The following TRAPPC9 variants were observed in gnomAD, a reference collection of about 807,000 sequenced individuals.
The protein encoded by TRAPPC9 is IKK2 binding protein.
Under a neutral mutation model 124.0 loss-of-function variants are expected in TRAPPC9, and 83 were observed. The ratio of observed to expected loss-of-function variants is 0.67; its 90% CI spans 0.56 to 0.80. The LOEUF is 0.80. Among genes scored for constraint, TRAPPC9 ranks in the 30% least tolerant of loss-of-function variants. TRAPPC9 has a pLI of 0.00. For missense variants in TRAPPC9, 1,302 were observed against 1,508.3 expected, an observed-to-expected ratio of 0.86 and a Z score of 2.27; for synonymous variants, 638 against 617.5, an observed-to-expected ratio of 1.03 and a Z score of -0.49.
At chr8:140,039,778 C>T (rs1048070072) in intron 17 of TRAPPC9, 20 of 152,254 alleles carry the variant, frequency 1.3e-4, no homozygotes, top group African/African-American at 4.8e-4. Flanking sequence ...GAGTATGTGG[C>T]TTGGGCTGTA....
chr8:140,238,168 C>T (rs540032124), intron 16 of TRAPPC9, among the ~76,000 whole-genome samples: 6 of 152,314 alleles, frequency 3.9e-5, no homozygotes, highest in Non-Finnish European at 5.9e-5. Flanking sequence ...CAGGAGACGT[C>T]GGTTCCGGCT....
Position 139,728,035 on chromosome 8 carries a change from T to C in TRAPPC9, c.*3026A>G, listed in dbSNP as rs1487964684. On this transcript the variant is annotated 3_prime_UTR_variant, in exon 23 of 23. Coordinates refer to ENST00000438773, the MANE Select transcript of TRAPPC9 (RefSeq NM_001160372.4). The stretch of plus-strand genomic sequence containing the variant: ...GTTGCTATCATGTGCTAAAAAAAAA[T>C]CTAGGAGGTTAAATCAAATAAACTG... Among the ~76,000 whole-genome samples, 1 of 151,494 alleles carries C rather than the reference T, an allele frequency of 6.6e-6. No individual in the cohort carries two copies. The highest frequency in any genetic ancestry group is 1.5e-5 in the Non-Finnish European group (1 of 67,876).
intron 9 of TRAPPC9, among the ~76,000 whole-genome samples, chr8:140,339,834 T>C (rs1284815853): frequency 6.6e-6 from 1 of 152,178 alleles, no homozygotes; most frequent in Non-Finnish European, 1.5e-5. Flanking sequence ...ACCTGCAACA[T>C]ACCACTGAGA....
At chr8:139,755,281 G>C (rs1446964954) in intron 21 of TRAPPC9, among the ~76,000 whole-genome samples, 1 of 150,994 alleles carries the variant, frequency 6.6e-6, no homozygotes, top group Non-Finnish European at 1.5e-5. Flanking sequence ...AGGACAGCGT[G>C]TCGCAGGAGG....
At chr8:140,158,274 A>G (rs1309433990) in intron 17 of TRAPPC9, among the ~76,000 whole-genome samples, 1 of 152,236 alleles carries the variant, frequency 6.6e-6, no homozygotes, top group Non-Finnish European at 1.5e-5. Flanking sequence ...GAAGATTCTG[A>G]GATGAGGGGA....
At chr8:140,251,799 C>T (rs887530014) in intron 16 of TRAPPC9, among the ~76,000 whole-genome samples, 6 of 152,174 alleles carry the variant, frequency 3.9e-5, no homozygotes, top group South Asian at 2.1e-4. Flanking sequence ...AGACGCAGCA[C>T]GAAGGTGGCC....
At chr8:139,821,172 C>G (rs763652306) in intron 21 of TRAPPC9, among the ~76,000 whole-genome samples, 1 of 152,232 alleles carries the variant, frequency 6.6e-6, no homozygotes. Context: ...AGAACGTGAA[C>G]AGGGCATCTA....
intron 1 of TRAPPC9, among the ~76,000 whole-genome samples, chr8:140,452,189 G>A (rs1488533117): frequency 1.3e-5 from 2 of 151,182 alleles, no homozygotes. Flanking sequence ...GGGAAGCTGA[G>A]GCAGGCAGAT....
intron 15 of TRAPPC9, among the ~76,000 whole-genome samples, chr8:140,258,189 C>T (rs115287823): frequency 0.011 from 1,668 of 152,304 alleles, 25 homozygotes; most frequent in African/African-American, 0.038. Context: ...AGAAACTCCC[C>T]GGAGAGACCG....
At chr8:139,992,128 C>G (rs1183627885) in intron 18 of TRAPPC9, among the ~76,000 whole-genome samples, 1 of 152,088 alleles carries the variant, frequency 6.6e-6, no homozygotes, top group Non-Finnish European at 1.5e-5. Flanking sequence ...TCATACACAT[C>G]AACTAAAAAC....
intron 5 of TRAPPC9, among the ~76,000 whole-genome samples, chr8:140,416,431 G>A (rs2069930043): frequency 6.6e-6 from 1 of 151,964 alleles, no homozygotes; most frequent in South Asian, 2.1e-4. Flanking sequence ...CACAATAATA[G>A]ACAGAGAGCC....
chr8:139,804,236 C>A (rs1287062909), intron 21 of TRAPPC9, among the ~76,000 whole-genome samples: 4,055 of 138,240 alleles, frequency 0.029, 138 homozygotes, highest in Admixed American at 0.06. Flanking sequence ...ATCACCACCA[C>A]CCACCACCAC....
chr8:140,402,757 AT>A (rs1182495466), intron 6 of TRAPPC9, among the ~76,000 whole-genome samples: 1 of 152,160 alleles, frequency 6.6e-6, no homozygotes, highest in Admixed American at 6.5e-5. Context: ...ACTAAAATAG[AT>A]AAAATATGGT....
intron 21 of TRAPPC9, among the ~76,000 whole-genome samples, chr8:139,746,559 G>A (rs1412772688): frequency 1.3e-5 from 2 of 152,180 alleles, no homozygotes; most frequent in African/African-American, 4.8e-5. Flanking sequence ...GACATACAGG[G>A]GACGAAGACA....
At chr8:140,140,601 C>T (rs887635678) in intron 17 of TRAPPC9, among the ~76,000 whole-genome samples, 3 of 152,182 alleles carry the variant, frequency 2.0e-5, no homozygotes, top group Non-Finnish European at 2.9e-5. Context: ...CAATTGTATG[C>T]ACTTCAGAAT....
intron 17 of TRAPPC9, among the ~76,000 whole-genome samples, chr8:140,139,999 T>C (rs1045929779): frequency 2.0e-5 from 3 of 152,202 alleles, no homozygotes; most frequent in Admixed American, 6.5e-5. Context: ...GAGTGGAATA[T>C]GTTCATTATG....
chr8:140,428,497 G>T (rs1482224356), intron 4 of TRAPPC9, among the ~76,000 whole-genome samples: 1 of 152,128 alleles, frequency 6.6e-6, no homozygotes, highest in Non-Finnish European at 1.5e-5. Context: ...CTGGTTTCTA[G>T]GCCCTTTCCT....
intron 17 of TRAPPC9, among the ~76,000 whole-genome samples, chr8:140,032,023 T>C (rs184842183): frequency 1.4e-3 from 218 of 152,242 alleles, no homozygotes; most frequent in African/African-American, 4.9e-3. Context: ...CCCAGTGCCA[T>C]AGACCACAGC....
chr8:139,951,580 A>T (rs1834646936), intron 19 of TRAPPC9, among the ~76,000 whole-genome samples: 2 of 152,230 alleles, frequency 1.3e-5, no homozygotes, highest in Non-Finnish European at 2.9e-5. Context: ...CATGTAAGGA[A>T]TAAATGCCCA....
Sources: allele counts gnomAD v4.1 joint callset (sites outside exome capture counted in the v4.1 genomes callset), GRCh38; gene constraint gnomAD v4.1.1; transcripts MANE v1.5; gene names NCBI Gene and HGNC (gene_info 2026-07-23, HGNC 2026-07-21).